The following EFEMP1 variants were observed in gnomAD, a reference collection of about 807,000 sequenced individuals.
The protein encoded by EFEMP1 is EGF-like fibulin extracellular matrix protein 1, also known as EGF-containing fibulin-like extracellular matrix protein 1.
A neutral mutation model predicts 65.7 loss-of-function variants in EFEMP1; 18 were observed. That is an observed-to-expected ratio of 0.27 (90% CI 0.19 to 0.41). EFEMP1 has a LOEUF of 0.41. Ranked by LOEUF, EFEMP1 falls within the 10% of genes least tolerant of loss-of-function variation. The pLI, the probability that EFEMP1 is intolerant of heterozygous loss-of-function variation, is 1.00. For synonymous variants in EFEMP1, 237 were observed against 219.7 expected, an observed-to-expected ratio of 1.08 and a Z score of -0.70; for missense variants, 469 against 624.8, an observed-to-expected ratio of 0.75 and a Z score of 2.66.
chr2:55,910,769 T>C (rs930584237), intron 5 of EFEMP1, among the ~76,000 whole-genome samples: 1 of 152,230 alleles, frequency 6.6e-6, no homozygotes, highest in East Asian at 1.9e-4. Context: ...AAGATGCTTA[T>C]GTGAATATTC....
chr2:55,913,034 C>T (rs1322462020), intron 5 of EFEMP1, among the ~76,000 whole-genome samples: 1 of 152,102 alleles, frequency 6.6e-6, no homozygotes, highest in Non-Finnish European at 1.5e-5. Flanking sequence ...AGACTCTGTC[C>T]AACTACTTAA....
In EFEMP1 at chr2:55,921,904, A is replaced by AC. The variant is rs1053392916; in HGVS notation, c.81+455dup. 5.2e-6 allele frequency: 1 copy of AC among 190,628 alleles called. No homozygotes were observed. Among genetic ancestry groups the AC allele is most frequent in the African/African-American group, 2.3e-5 (1 of 42,730 alleles). 11.8% of individuals were successfully genotyped at this position (190,628 alleles called of 1,614,324 possible). A position where few individuals can be genotyped will look rare whatever the true frequency, so the allele number is the denominator to read the frequency against. ...AGCCTTTATAAATTCAATAAAGGCCACTTACTTGAGAATGCATGTCATGTA... is the reference window on the plus strand; with the variant it reads ...AGCCTTTATAAATTCAATAAAGGCCACCTTACTTGAGAATGCATGTCATGTA... On this transcript the variant is annotated intron_variant, in intron 3 of 11. Transcript: ENST00000355426. The surrounding 1 kb of genome is among the most constrained non-coding windows in gnomAD (Gnocchi z 4.1).
At position 55,866,471 on chromosome 2, in the gene EFEMP1, C is replaced by A. The variant is rs1278978091; in HGVS notation, c.*602G>T. ...CTGTTTTTTACAAAATATTCACAAT[C>A]TAAAATTTCTGACAAAATTAAAAAT... On this transcript the variant is annotated 3_prime_UTR_variant, in exon 12 of 12. Transcript: ENST00000355426. The A allele has an allele frequency of 6.6e-6, 1 of 152,276 alleles. No individual in the cohort carries two copies. The highest frequency in any genetic ancestry group is 1.5e-5 in the Non-Finnish European group (1 of 68,020). The allele number at this position is 152,276 out of a possible 1,614,324, so 9.4% of individuals were successfully genotyped here. A position where few individuals can be genotyped will look rare whatever the true frequency, so the allele number is the denominator to read the frequency against.
At position 55,921,810 on chromosome 2, in the gene EFEMP1, G is replaced by A. The variant is rs893450031; in HGVS notation, c.81+550C>T. 1.2e-5 allele frequency: 2 copies of A among 161,118 alleles called. No individual in the cohort carries two copies. Among genetic ancestry groups the A allele is most frequent in the African/African-American group, 2.4e-5 (1 of 41,474 alleles). 10.0% of individuals were successfully genotyped at this position (161,118 alleles called of 1,614,324 possible). On this transcript the variant is annotated intron_variant, in intron 3 of 11. Transcript: ENST00000355426. The surrounding 1 kb of genome is among the most constrained non-coding windows in gnomAD (Gnocchi z 4.1). ...ACCACTTTAGCCAATATGCATCCTG[G>A]TAACACATAAACTGTTGTCTGCCTT... is the stretch of plus-strand genomic sequence containing the variant.
intron 5 of EFEMP1, among the ~76,000 whole-genome samples, chr2:55,889,004 T>G (rs949569182): frequency 6.6e-6 from 1 of 152,198 alleles, no homozygotes; most frequent in Non-Finnish European, 1.5e-5. Flanking sequence ...ATGAACTGAA[T>G]GGAGACTGAC....
At chr2:55,892,278 G>T (rs77695439) in intron 5 of EFEMP1, among the ~76,000 whole-genome samples, 2,410 of 152,216 alleles carry the variant, frequency 0.016, 41 homozygotes, top group Middle Eastern at 0.031. Flanking sequence ...TCATTTTTAT[G>T]AATCTGACAT....
chr2:55,911,003 A>G (rs1670461826), intron 5 of EFEMP1, among the ~76,000 whole-genome samples: 1 of 152,218 alleles, frequency 6.6e-6, no homozygotes, highest in African/African-American at 2.4e-5. Context: ...TATAGAAGAT[A>G]TAGGTATCAC....
At chr2:55,884,378 A>G (rs2104396603) in intron 5 of EFEMP1, among the ~76,000 whole-genome samples, 1 of 152,304 alleles carries the variant, frequency 6.6e-6, no homozygotes, top group South Asian at 2.1e-4. Flanking sequence ...ATGCATTTCC[A>G]TTTGTCATAA....
chr2:55,905,676 C>T (rs1188751108), intron 5 of EFEMP1, among the ~76,000 whole-genome samples: 2 of 152,012 alleles, frequency 1.3e-5, no homozygotes, highest in Non-Finnish European at 1.5e-5. Flanking sequence ...CTGGAACTCC[C>T]GACCTCAGGT....
At chr2:55,900,770 G>A (rs1252211553) in intron 5 of EFEMP1, among the ~76,000 whole-genome samples, 2 of 151,970 alleles carry the variant, frequency 1.3e-5, no homozygotes, top group African/African-American at 2.4e-5. Flanking sequence ...CATATTATAG[G>A]TCCTGCTATT....
At chr2:55,874,817 G>T in intron 9 of EFEMP1, 129 bp downstream of exon 9, 1 of 992,812 alleles carries the variant, frequency 1.0e-6, no homozygotes, top group Admixed American at 2.9e-5. Flanking sequence ...ATGAACAGGG[G>T]AAAAAAGAGC....
intron 8 of EFEMP1, among the ~76,000 whole-genome samples, chr2:55,876,015 T>C (rs1235310656): frequency 6.6e-6 from 1 of 151,940 alleles, no homozygotes; most frequent in African/African-American, 2.4e-5. Flanking sequence ...GGATGTCTAA[T>C]GCCTTTTGAA....
Position 55,877,661 on chromosome 2 carries a change from G to C in EFEMP1, c.760+85C>G. Reference sequence around the variant, plus strand: ...AAGTCGATGGAAACTATTTACTCAAGAACATAGAAAACTGGAAATACTGCA... The same window carrying C: ...AAGTCGATGGAAACTATTTACTCAACAACATAGAAAACTGGAAATACTGCA... On this transcript the variant is annotated intron_variant, in intron 7 of 11. Coordinates refer to ENST00000355426, the MANE Select transcript of EFEMP1 (RefSeq NM_001039348.3). This position sits in a 1 kb window ranked among gnomAD's most constrained non-coding sequence, Gnocchi z 4.5. 6.3e-7 allele frequency: 1 copy of C among 1,589,436 alleles called. No homozygotes were observed. Among genetic ancestry groups the C allele is most frequent in the Non-Finnish European group, 8.6e-7 (1 of 1,160,648 alleles).
chr2:55,894,278 T>A (rs1297895895), intron 5 of EFEMP1, among the ~76,000 whole-genome samples: 1 of 152,188 alleles, frequency 6.6e-6, no homozygotes, highest in Admixed American at 6.5e-5. Context: ...GCAACTTTTA[T>A]TTATTTATTT....
chr2:55,917,620 C>G lies in EFEMP1; in HGVS notation c.517+45G>C. On this transcript the variant is annotated intron_variant, in intron 5 of 11. Transcript: ENST00000355426. This position sits in a 1 kb window ranked among gnomAD's most constrained non-coding sequence, Gnocchi z 6.3. ...ATCATCATCCTCACCACGAGGTGCA[C>G]TTGGGCAAAAGCTTTCAATGGTTAG... The G allele has an allele frequency of 6.2e-7, 1 of 1,613,720 alleles. No homozygotes were observed. Among genetic ancestry groups the G allele is most frequent in the Non-Finnish European group, 8.5e-7 (1 of 1,179,750 alleles).
Position 55,882,247 on chromosome 2 carries a change from G to T in EFEMP1, c.518-513C>A, listed in dbSNP as rs189454940. 9.2e-4 allele frequency among the ~76,000 whole-genome samples: 140 copies of T among 152,250 alleles called. No individual in the cohort carries two copies. In the Middle Eastern group the frequency reaches 0.02, roughly 22 times the overall value. On this transcript the variant is annotated intron_variant, in intron 5 of 11. Transcript: ENST00000355426. ...TTCTAAAAATCTAACCAATAACTGG[G>T]TGTAATCAACCTTTAATATTATACG...
chr2:55,892,598 A>G (rs1023255285), intron 5 of EFEMP1, among the ~76,000 whole-genome samples: 17 of 152,084 alleles, frequency 1.1e-4, no homozygotes, highest in Non-Finnish European at 2.5e-4. Context: ...GTTTAAATAC[A>G]CTACTGTGTT....
chr2:55,878,639 T>C (rs1669124510), intron 6 of EFEMP1, among the ~76,000 whole-genome samples: 1 of 151,476 alleles, frequency 6.6e-6, no homozygotes, highest in Non-Finnish European at 1.5e-5. Context: ...TAATGCTATA[T>C]AGTGACACTG....
chr2:55,900,955 G>A (rs1427581842), intron 5 of EFEMP1, among the ~76,000 whole-genome samples: 1 of 152,116 alleles, frequency 6.6e-6, no homozygotes, highest in Non-Finnish European at 1.5e-5. Flanking sequence ...AGATTTTGTT[G>A]CTTCTGAAGT....
Sources: gnomAD v4.1 joint callset for allele counts (sites outside exome capture counted in the v4.1 genomes callset) on GRCh38, gnomAD v4.1.1 for gene constraint, Gnocchi (gnomAD v3.1) non-coding constraint, MANE v1.5 for transcripts, NCBI Gene and HGNC (gene_info 2026-07-23, HGNC 2026-07-21) for gene names.